Variants in AIRIM observed in about 807,000 individuals in gnomAD.
AIRIM encodes AFG2-interacting ribosome maturation factor.
chr1:37,683,296 A>C, the AIRIM span: 2 of 1,613,584 alleles, frequency 1.2e-6, no homozygotes, highest in African/African-American at 2.7e-5. Flanking sequence ...GAGGAGACAC[A>C]AAGGAAGAAC....
chr1:37,684,977 G>A, the AIRIM span, among the ~76,000 whole-genome samples: 3 of 151,496 alleles, frequency 2.0e-5, no homozygotes, highest in South Asian at 6.3e-4. Context: ...GGTCAACACA[G>A]CAAGACCCCA....
the AIRIM span, chr1:37,683,833 A>C: frequency 1.8e-5 from 3 of 165,384 alleles, no homozygotes; most frequent in African/African-American, 7.2e-5. Context: ...GATGCATAGA[A>C]TGAATTCAGG....
the AIRIM span, chr1:37,689,691 G>A: frequency 1.2e-6 from 2 of 1,614,076 alleles, no homozygotes; most frequent in Middle Eastern, 1.7e-4. Flanking sequence ...GGGAAGGCCC[G>A]AAGCGCCGGC....
the AIRIM span, chr1:37,683,344 T>C: frequency 2.5e-6 from 4 of 1,614,194 alleles, no homozygotes; most frequent in Admixed American, 6.7e-5. Context: ...GGTGTTCGTC[T>C]TTTGAAATTC....
the AIRIM span, chr1:37,683,154 A>T: frequency 3.1e-6 from 5 of 1,612,264 alleles, no homozygotes; most frequent in Non-Finnish European, 3.4e-6. Flanking sequence ...AACATTCAAT[A>T]GGATATCTGA....
chr1:37,689,888 T>A, the AIRIM span: 1 of 1,535,970 alleles, frequency 6.5e-7, no homozygotes, highest in Non-Finnish European at 8.7e-7. Flanking sequence ...CATCTTCTGC[T>A]GAAAAAGATA....
the AIRIM span, chr1:37,682,114 AGTTT>A: frequency 1.3e-5 from 2 of 152,170 alleles, no homozygotes; most frequent in African/African-American, 4.8e-5. Flanking sequence ...TCTCTAATGA[AGTTT>A]GTTTTACAAT....
At chr1:37,690,492 C>A in the AIRIM span, 1 of 1,220,392 alleles carries the variant, frequency 8.2e-7, no homozygotes, top group South Asian at 1.4e-5. Flanking sequence ...GAGAACCCTC[C>A]AGGGACTGCA....
chr1:37,688,994 C>T, the AIRIM span, among the ~76,000 whole-genome samples: 3 of 145,790 alleles, frequency 2.1e-5, no homozygotes, highest in African/African-American at 7.7e-5. Context: ...AAATCTGTAA[C>T]GCAGGCACTG....
At chr1:37,682,934 C>T in the AIRIM span, 1 of 618,860 alleles carries the variant, frequency 1.6e-6, no homozygotes, top group South Asian at 2.0e-5. Flanking sequence ...TCAGCCACGG[C>T]CTGGCATGCT....
the AIRIM span, among the ~76,000 whole-genome samples, chr1:37,688,408 T>C: frequency 2.3e-4 from 35 of 152,280 alleles, no homozygotes; most frequent in African/African-American, 8.4e-4. Flanking sequence ...TTACATCTTT[T>C]CAACCATTAG....
the AIRIM span, among the ~76,000 whole-genome samples, chr1:37,688,481 T>C: frequency 3.3e-5 from 5 of 152,218 alleles, no homozygotes; most frequent in African/African-American, 4.8e-5. Flanking sequence ...CTTATCAATA[T>C]CTTAGGACAT....
the AIRIM span, chr1:37,682,681 C>T: frequency 6.5e-6 from 1 of 154,402 alleles, no homozygotes. Context: ...ACCACTTTTT[C>T]TTTTGTCAAG....
At chr1:37,690,380 G>A in the AIRIM span, 39 of 1,289,658 alleles carry the variant, frequency 3.0e-5, no homozygotes, top group Non-Finnish European at 3.6e-5. Flanking sequence ...GCGTCCAAGC[G>A]CCGTCTCTTC....
At chr1:37,690,088 C>G in the AIRIM span, 3 of 1,360,976 alleles carry the variant, frequency 2.2e-6, no homozygotes, top group Non-Finnish European at 2.9e-6. Flanking sequence ...GCTATCTCGG[C>G]TCACTGCAAC....
chr1:37,688,029 T>C, the AIRIM span, among the ~76,000 whole-genome samples: 1 of 151,818 alleles, frequency 6.6e-6, no homozygotes, highest in Non-Finnish European at 1.5e-5. Context: ...GCTGATCTCA[T>C]CTCTTACCAG....
At chr1:37,686,721 G>C in the AIRIM span, among the ~76,000 whole-genome samples, 8 of 152,158 alleles carry the variant, frequency 5.3e-5, no homozygotes, top group Non-Finnish European at 1.2e-4. Flanking sequence ...CTCCAATTGA[G>C]ACCACTGGTC....
At chr1:37,691,422 G>A in the AIRIM span, 1 of 152,528 alleles carries the variant, frequency 6.6e-6, no homozygotes, top group Non-Finnish European at 1.5e-5. Context: ...GCATCCACAG[G>A]TGAAAAGCAC....
the AIRIM span, among the ~76,000 whole-genome samples, chr1:37,691,832 A>C: frequency 6.6e-6 from 1 of 152,122 alleles, no homozygotes; most frequent in African/African-American, 2.4e-5. Context: ...AGGCGCCAAC[A>C]CGCGAACTGG....
Sources: gnomAD v4.1 joint callset for allele counts (sites outside exome capture counted in the v4.1 genomes callset) on GRCh38, gnomAD v4.1.1 for gene constraint, MANE v1.5 for transcripts, NCBI Gene and HGNC (gene_info 2026-07-23, HGNC 2026-07-21) for gene names.